The following FOCAD variants were observed in gnomAD, a reference collection of about 807,000 sequenced individuals.
FOCAD encodes focadhesin.
In FOCAD, 198 loss-of-function variants were observed where a neutral mutation model predicts 225.6. The observed-to-expected ratio is 0.88, with a 90% CI of 0.78 to 0.99. The LOEUF (loss-of-function observed/expected upper bound fraction) is 0.99. Among genes scored for constraint, FOCAD ranks in the 50% least tolerant of loss-of-function variants. The pLI, the probability that FOCAD is intolerant of heterozygous loss-of-function variation, is 0.00. For missense variants in FOCAD, 2,713 were observed against 2,123.6 expected, an observed-to-expected ratio of 1.28 and a Z score of -5.46; for synonymous variants, 897 against 755.0, an observed-to-expected ratio of 1.19 and a Z score of -3.08.
At chr9:20,962,317 T>G (rs925870603) in intron 35 of FOCAD, among the ~76,000 whole-genome samples, 4 of 152,138 alleles carry the variant, frequency 2.6e-5, no homozygotes, top group Non-Finnish European at 5.9e-5. Context: ...TAGCTGTGTT[T>G]TATCGTAAAT....
chr9:20,662,785 A>G (rs1288558547), intron 2 of FOCAD, among the ~76,000 whole-genome samples: 1 of 151,970 alleles, frequency 6.6e-6, no homozygotes, highest in Non-Finnish European at 1.5e-5. Flanking sequence ...TGCAACCCAA[A>G]CTTTGGCTCA....
intron 11 of FOCAD, among the ~76,000 whole-genome samples, chr9:20,805,385 T>A (rs1822313789): frequency 7.2e-5 from 11 of 152,242 alleles, no homozygotes; most frequent in Admixed American, 7.2e-4. Context: ...AAGCTGTCAA[T>A]CCATTTGTTA....
intron 1 of FOCAD, among the ~76,000 whole-genome samples, chr9:20,702,972 A>T (rs190197928): frequency 3.9e-4 from 59 of 152,232 alleles, no homozygotes; most frequent in African/African-American, 1.3e-3. Flanking sequence ...GTGCCACTGC[A>T]TTCCAGCCTG....
intron 16 of FOCAD, among the ~76,000 whole-genome samples, chr9:20,865,215 T>G (rs115895563): frequency 0.012 from 1,834 of 152,156 alleles, 31 homozygotes; most frequent in African/African-American, 0.041. Flanking sequence ...ACAAACACTC[T>G]TAGCAAGAAT....
At chr9:20,885,297 G>A (rs1831018810) in intron 21 of FOCAD, 67 bp downstream of exon 21, 1 of 1,308,068 alleles carries the variant, frequency 7.6e-7, no homozygotes, top group South Asian at 2.7e-5. Context: ...TTAAGAAGTT[G>A]TTTGTTTAGA....
chr9:20,701,797 C>T (rs975423971), intron 1 of FOCAD, among the ~76,000 whole-genome samples: 4 of 152,078 alleles, frequency 2.6e-5, no homozygotes, highest in African/African-American at 4.8e-5. Context: ...GTAATGTTTG[C>T]GCATTAGACT....
intron 22 of FOCAD, among the ~76,000 whole-genome samples, chr9:20,907,458 C>A (rs1204806996): frequency 6.6e-6 from 1 of 151,990 alleles, no homozygotes; most frequent in African/African-American, 2.4e-5. Context: ...ATCCAGAACT[C>A]CCTCTTGAGT....
intron 22 of FOCAD, among the ~76,000 whole-genome samples, chr9:20,907,870 T>C (rs749503441): frequency 6.6e-6 from 1 of 152,088 alleles, no homozygotes; most frequent in Non-Finnish European, 1.5e-5. Flanking sequence ...TATGCCCTTC[T>C]TGTATCTGAG....
chr9:20,843,043 CTATTTA>C, intron 15 of FOCAD, among the ~76,000 whole-genome samples: 1 of 151,854 alleles, frequency 6.6e-6, no homozygotes, highest in East Asian at 1.9e-4. Flanking sequence ...TTTGTTGTTT[CTATTTA>C]TATCTTATAT....
chr9:20,940,200 A>T (rs1452251972), intron 28 of FOCAD, among the ~76,000 whole-genome samples: 1 of 151,934 alleles, frequency 6.6e-6, no homozygotes, highest in African/African-American at 2.4e-5. Flanking sequence ...CATCCTCTCC[A>T]AACTTTTAGT....
chr9:20,786,400 C>T lies in FOCAD; in HGVS notation c.1198-2951C>T, dbSNP rs551520841. Among the ~76,000 whole-genome samples the T allele has an allele frequency of 1.3e-4, 20 of 152,230 alleles. No individual in the cohort carries two copies. In the South Asian group the frequency reaches 4.2e-3, roughly 32 times the overall value. Reference sequence around the variant, plus strand: ...TTGTGTGTTATCTCTTGGTTATAACCAACCACTCCCAAATCTCTCAGCTCT... The same window carrying T: ...TTGTGTGTTATCTCTTGGTTATAACTAACCACTCCCAAATCTCTCAGCTCT... On this transcript the variant is annotated intron_variant, in intron 10 of 43. Transcript: ENST00000338382.
At chr9:20,904,321 G>A (rs996034808) in intron 21 of FOCAD, among the ~76,000 whole-genome samples, 3 of 151,810 alleles carry the variant, frequency 2.0e-5, no homozygotes, top group Admixed American at 6.6e-5. Flanking sequence ...TTAGCTTTCT[G>A]AGGAACCACC....
At chr9:20,759,275 C>A (rs1162851894) in intron 6 of FOCAD, among the ~76,000 whole-genome samples, 1 of 152,104 alleles carries the variant, frequency 6.6e-6, no homozygotes, top group Non-Finnish European at 1.5e-5. Context: ...GCCAAAAGAA[C>A]AAAGCTGGAG....
intron 15 of FOCAD, among the ~76,000 whole-genome samples, chr9:20,848,012 A>T (rs182442746): frequency 2.0e-4 from 30 of 152,170 alleles, no homozygotes; most frequent in African/African-American, 7.2e-4. Flanking sequence ...GTCAGAAATT[A>T]TGGGGTGTAG....
chr9:20,945,354 A>G (rs780922200), intron 29 of FOCAD, among the ~76,000 whole-genome samples: 22 of 152,186 alleles, frequency 1.4e-4, no homozygotes, highest in Non-Finnish European at 8.8e-5. Context: ...TATTTTGCCC[A>G]GGTGAAGCTG....
intron 11 of FOCAD, among the ~76,000 whole-genome samples, chr9:20,796,276 C>G (rs915444200): frequency 6.6e-6 from 1 of 152,140 alleles, no homozygotes; most frequent in Admixed American, 6.5e-5. Context: ...AATAAACATA[C>G]GTGTGCATGT....
intron 26 of FOCAD, 74 bp from the exon 27 acceptor site, chr9:20,929,284 A>G (rs1304137615): frequency 9.6e-6 from 11 of 1,146,610 alleles, no homozygotes; most frequent in East Asian, 2.3e-5. Flanking sequence ...GTGTGGTTGT[A>G]TAGTGCTTTT....
At chr9:20,963,549 C>T in intron 35 of FOCAD, among the ~76,000 whole-genome samples, 1 of 152,094 alleles carries the variant, frequency 6.6e-6, no homozygotes. Context: ...TGAGAGTTTT[C>T]TAAGTAGAAA....
At chr9:20,819,654 G>A (rs1824104110) in intron 11 of FOCAD, 142 bp from the exon 12 acceptor site, 2 of 437,654 alleles carry the variant, frequency 4.6e-6, no homozygotes, top group African/African-American at 4.1e-5. Flanking sequence ...TCATTAGCAA[G>A]TAATAGCTAA....
Sources: gnomAD v4.1 joint callset for allele counts (sites outside exome capture counted in the v4.1 genomes callset) on GRCh38, gnomAD v4.1.1 for gene constraint, MANE v1.5 for transcripts, NCBI Gene and HGNC (gene_info 2026-07-23, HGNC 2026-07-21) for gene names.